Variants in PRP4K observed in about 807,000 individuals in gnomAD.
The protein encoded by PRP4K is serine/threonine-protein kinase PRP4 homolog.
the PRP4K span, among the ~76,000 whole-genome samples, chr6:4,035,067 C>T: frequency 7.2e-5 from 11 of 151,730 alleles, no homozygotes; most frequent in African/African-American, 2.7e-4. Context: ...TTTATCCCAT[C>T]CATTTATATA....
the PRP4K span, chr6:4,043,939 A>C: frequency 6.2e-7 from 1 of 1,614,206 alleles, no homozygotes; most frequent in Non-Finnish European, 8.5e-7. Context: ...TGCTGATGTT[A>C]AAGAGTATGA....
the PRP4K span, chr6:4,037,264 G>T: frequency 1.2e-6 from 1 of 836,578 alleles, no homozygotes; most frequent in Non-Finnish European, 1.7e-6. Flanking sequence ...AGTAAGTTTT[G>T]TTACAAAACA....
the PRP4K span, chr6:4,050,463 C>T: frequency 3.0e-6 from 1 of 334,824 alleles, no homozygotes; most frequent in South Asian, 6.6e-5. Context: ...CTCCTTCCCT[C>T]TATTGTCTGT....
chr6:4,036,564 G>A, the PRP4K span, among the ~76,000 whole-genome samples: 1 of 151,902 alleles, frequency 6.6e-6, no homozygotes, highest in East Asian at 1.9e-4. Context: ...TCTGTCACTT[G>A]GGCTGCAGTG....
the PRP4K span, among the ~76,000 whole-genome samples, chr6:4,038,680 T>G: frequency 3.9e-5 from 6 of 152,168 alleles, no homozygotes; most frequent in African/African-American, 1.2e-4. Flanking sequence ...TATTCATTGC[T>G]GAGCAAATAG....
chr6:4,061,578 G>A, the PRP4K span: 1 of 152,594 alleles, frequency 6.6e-6, no homozygotes, highest in African/African-American at 2.4e-5. Flanking sequence ...TTTTGAAAGT[G>A]TACTGCTTTA....
the PRP4K span, among the ~76,000 whole-genome samples, chr6:4,044,857 A>T: frequency 7.7e-5 from 9 of 116,992 alleles, no homozygotes; most frequent in Non-Finnish European, 1.4e-4. Flanking sequence ...TATTATTATT[A>T]TTATTATTTT....
At chr6:4,042,653 A>G in the PRP4K span, 3 of 986,186 alleles carry the variant, frequency 3.0e-6, no homozygotes, top group Non-Finnish European at 4.6e-6. Context: ...TAACAGTTGA[A>G]CAGGTCCTTA....
chr6:4,024,408 G>A, the PRP4K span, among the ~76,000 whole-genome samples: 4 of 152,016 alleles, frequency 2.6e-5, no homozygotes, highest in Non-Finnish European at 4.4e-5. Flanking sequence ...TAGCAGTGGC[G>A]TTCACTTTGC....
the PRP4K span, among the ~76,000 whole-genome samples, chr6:4,042,094 C>G: frequency 6.6e-6 from 1 of 152,192 alleles, no homozygotes; most frequent in African/African-American, 2.4e-5. Context: ...CTTTCTTGAG[C>G]TTTCAGGCGG....
the PRP4K span, among the ~76,000 whole-genome samples, chr6:4,035,107 TTTTTG>T: frequency 2.0e-5 from 3 of 151,418 alleles, no homozygotes; most frequent in Admixed American, 6.6e-5. Context: ...ATGTGTGTTG[TTTTTG>T]TTTTGTTTTG....
the PRP4K span, chr6:4,032,594 A>G: frequency 2.5e-6 from 4 of 1,614,034 alleles, no homozygotes; most frequent in South Asian, 4.4e-5. Flanking sequence ...CTCCAAAACC[A>G]CGTGATAAAT....
chr6:4,049,574 T>C, the PRP4K span: 1 of 696,642 alleles, frequency 1.4e-6, no homozygotes, highest in South Asian at 2.0e-5. Context: ...CACACTCTGA[T>C]AGAGTGATCA....
At chr6:4,060,310 A>G in the PRP4K span, 6 of 1,008,966 alleles carry the variant, frequency 5.9e-6, no homozygotes, top group Non-Finnish European at 8.8e-6. The surrounding 1 kb of genome is among the most constrained non-coding windows in gnomAD (Gnocchi z 4.7). Context: ...TTGTATGTAT[A>G]TGCATGTTTT....
the PRP4K span, chr6:4,049,087 C>T: frequency 6.2e-3 from 10,057 of 1,611,122 alleles, 563 homozygotes; most frequent in African/African-American, 0.12. Context: ...ATAACTGGAC[C>T]GATGCAGAAG....
the PRP4K span, chr6:4,032,052 A>G: frequency 1.2e-6 from 2 of 1,614,070 alleles, no homozygotes; most frequent in South Asian, 2.2e-5. Context: ...CAATAAAATT[A>G]CTACAAAGAA....
At chr6:4,023,211 T>C in the PRP4K span, among the ~76,000 whole-genome samples, 1 of 152,214 alleles carries the variant, frequency 6.6e-6, no homozygotes, top group Non-Finnish European at 1.5e-5. Flanking sequence ...AACAGTTCTT[T>C]AGAGAACACT....
chr6:4,051,916 G>A, the PRP4K span: 26 of 1,341,328 alleles, frequency 1.9e-5, 1 homozygote, highest in South Asian at 3.4e-4. Context: ...CCTAAATTCT[G>A]TATATATTCA....
the PRP4K span, chr6:4,051,868 T>G: frequency 1.2e-6 from 1 of 832,302 alleles, no homozygotes; most frequent in Non-Finnish European, 1.8e-6. Flanking sequence ...CATCACCTGA[T>G]CGTCATACTG....
Sources: gnomAD v4.1 joint callset for allele counts (sites outside exome capture counted in the v4.1 genomes callset) on GRCh38, gnomAD v4.1.1 for gene constraint, Gnocchi (gnomAD v3.1) non-coding constraint, MANE v1.5 for transcripts, NCBI Gene and HGNC (gene_info 2026-07-23, HGNC 2026-07-21) for gene names.